The following RMDN2 variants were observed in gnomAD, a reference collection of about 807,000 sequenced individuals.
RMDN2 encodes the protein regulator of microtubule dynamics protein 2.
A neutral mutation model predicts 52.8 loss-of-function variants in RMDN2; 61 were observed. That is an observed-to-expected ratio of 1.16 (90% confidence interval 0.94 to 1.43). The LOEUF (loss-of-function observed/expected upper bound fraction) is 1.43. Among genes scored for constraint, RMDN2 ranks in the 40% most tolerant of loss-of-function variants. The pLI, the probability that RMDN2 is intolerant of heterozygous loss-of-function variation, is 0.00. For synonymous variants in RMDN2, 180 were observed against 153.1 expected, an observed-to-expected ratio of 1.18 and a Z score of -1.30; for missense variants, 592 against 475.3, an observed-to-expected ratio of 1.25 and a Z score of -2.28.
At position 37,997,399 on chromosome 2, in the gene RMDN2, T is replaced by C. The variant is rs758218222; in HGVS notation, c.946-17T>C. On this transcript the variant is annotated splice_polypyrimidine_tract_variant and intron_variant, in intron 7 of 10. Transcript: ENST00000354545. ...GGTGAACAACTTTCTAAGAGTGATG[T>C]TGTTGTGTATTTGCAGGTCTCAAAA... 1 of 1,532,454 alleles carries C rather than the reference T, an allele frequency of 6.5e-7. No homozygotes were observed. Among genetic ancestry groups the C allele is most frequent in the East Asian group, 2.3e-5 (1 of 44,434 alleles). The allele number at this position is 1,532,454 out of a possible 1,614,324, so 94.9% of individuals were successfully genotyped here.
intron 2 of RMDN2, among the ~76,000 whole-genome samples, chr2:37,944,285 G>T (rs1325954481): frequency 6.6e-6 from 1 of 150,812 alleles, no homozygotes; most frequent in African/African-American, 2.4e-5. Flanking sequence ...TTATAAACAG[G>T]TGATGTATTT....
intron 10 of RMDN2, chr2:38,030,673 AC>A (rs1680132822): frequency 6.6e-6 from 1 of 152,162 alleles, no homozygotes; most frequent in Non-Finnish European, 1.5e-5. Flanking sequence ...TTTCAGTGAA[AC>A]CTTTTTACTC....
chr2:37,945,779 A>G (rs1416843693), intron 2 of RMDN2, among the ~76,000 whole-genome samples: 1 of 152,152 alleles, frequency 6.6e-6, no homozygotes, highest in African/African-American at 2.4e-5. Context: ...GAGTCTGGGA[A>G]AGATTAGGCA....
chr2:37,951,615 AT>A, intron 2 of RMDN2: 1 of 1,613,386 alleles, frequency 6.2e-7, no homozygotes, highest in Non-Finnish European at 8.5e-7. Context: ...TAAACTAAGT[AT>A]AGTTTCCTAT....
intron 4 of RMDN2, among the ~76,000 whole-genome samples, chr2:37,979,900 C>A (rs1465394797): frequency 2.0e-5 from 3 of 152,060 alleles, no homozygotes; most frequent in African/African-American, 7.2e-5. Context: ...TTTAATCATT[C>A]ATTTAAAATT....
chr2:38,064,398 G>A (rs1682183845), intron 10 of RMDN2, among the ~76,000 whole-genome samples: 2 of 152,002 alleles, frequency 1.3e-5, no homozygotes, highest in East Asian at 1.9e-4. Flanking sequence ...GCTGAGACAG[G>A]AGAATCACTT....
intron 10 of RMDN2, among the ~76,000 whole-genome samples, chr2:38,044,888 C>A (rs1479632885): frequency 6.6e-6 from 1 of 152,046 alleles, no homozygotes; most frequent in African/African-American, 2.4e-5. Context: ...CCAAGTAAAA[C>A]CCTAATCCTA....
intron 8 of RMDN2, among the ~76,000 whole-genome samples, chr2:37,998,564 T>C (rs766064066): frequency 2.6e-5 from 4 of 152,124 alleles, no homozygotes; most frequent in Non-Finnish European, 4.4e-5. Context: ...ATGCTAATAT[T>C]TGTGCTGTAT....
chr2:37,922,902 A>T (rs1224549806), upstream of RMDN2, among the ~76,000 whole-genome samples: 1 of 152,238 alleles, frequency 6.6e-6, no homozygotes, highest in Non-Finnish European at 1.5e-5. Flanking sequence ...TAGCTTAGCT[A>T]GTGCTGAAGT....
At chr2:38,014,260 C>G (rs1285711474) in intron 10 of RMDN2, among the ~76,000 whole-genome samples, 5 of 152,158 alleles carry the variant, frequency 3.3e-5, no homozygotes, top group Non-Finnish European at 5.9e-5. Flanking sequence ...TATAGACAGA[C>G]TTTTCCCGCT....
chr2:38,038,872 C>G (rs1018125263), intron 10 of RMDN2, among the ~76,000 whole-genome samples: 1 of 152,058 alleles, frequency 6.6e-6, no homozygotes, highest in Non-Finnish European at 1.5e-5. Context: ...CATCCCTGCC[C>G]TGATAGGTTT....
At chr2:38,010,683 C>T (rs540905496) in intron 10 of RMDN2, among the ~76,000 whole-genome samples, 14 of 152,200 alleles carry the variant, frequency 9.2e-5, no homozygotes, top group Non-Finnish European at 7.3e-5. Context: ...TCTTGCCCAG[C>T]TTCGGCTCAT....
chr2:37,951,697 T>C, intron 2 of RMDN2: 1 of 1,612,672 alleles, frequency 6.2e-7, no homozygotes, highest in South Asian at 1.1e-5. Context: ...GAAATCGAAA[T>C]CTTTTCTAAA....
intron 10 of RMDN2, among the ~76,000 whole-genome samples, chr2:38,005,311 C>T (rs1676924796): frequency 6.6e-6 from 1 of 152,186 alleles, no homozygotes; most frequent in African/African-American, 2.4e-5. Flanking sequence ...AGTTTACAGT[C>T]CCACCAACAG....
Position 37,976,507 on chromosome 2 carries a change from T to C in RMDN2, c.730+1193T>C, listed in dbSNP as rs564663830. The C allele has an allele frequency of 3.3e-5, 5 of 152,342 alleles. 1 individual carries two copies. The South Asian group carries it at 1.0e-3, about 32-fold the overall frequency. The allele number at this position is 152,342 out of a possible 1,614,324, so 9.4% of individuals were successfully genotyped here. A position where few individuals can be genotyped will look rare whatever the true frequency, so the allele number is the denominator to read the frequency against. ...GTAATTTTTATTTCCAAGTAGAAAGTTTTACCAAACTCCTTGTAATTATAT... is the reference window on the plus strand; with the variant it reads ...GTAATTTTTATTTCCAAGTAGAAAGCTTTACCAAACTCCTTGTAATTATAT... On this transcript the variant is annotated intron_variant, in intron 4 of 10. Transcript: ENST00000354545.
Position 38,029,389 on chromosome 2 carries a change from A to T in RMDN2, c.1713+25173A>T, listed in dbSNP as rs1680014259. ...GTTTTGCCACAAAACCTTCTGATCC[A>T]CATAGCCAGTTGTGCTCTCACCCAC... is the stretch of plus-strand genomic sequence containing the variant. On this transcript the variant is annotated intron_variant, in intron 10 of 10. Coordinates refer to the RMDN2 transcript ENST00000234195. 2.6e-5 allele frequency: 4 copies of T among 152,138 alleles called. No homozygotes were observed. The South Asian group carries it at 8.3e-4, about 32-fold the overall frequency. The allele number at this position is 152,138 out of a possible 1,614,324, so 9.4% of individuals were successfully genotyped here.
At chr2:38,020,249 G>T (rs945868369), downstream of RMDN2, among the ~76,000 whole-genome samples, 1 of 152,202 alleles carries the variant, frequency 6.6e-6, no homozygotes, top group Non-Finnish European at 1.5e-5. Context: ...TGTAGAACCA[G>T]TGGGAGCCCT....
intron 10 of RMDN2, among the ~76,000 whole-genome samples, chr2:38,054,491 G>A (rs1250846197): frequency 6.6e-6 from 1 of 152,158 alleles, no homozygotes; most frequent in African/African-American, 2.4e-5. Context: ...GATGCATTAT[G>A]GATATAGTTC....
intron 2 of RMDN2, among the ~76,000 whole-genome samples, chr2:37,966,467 T>TA (rs1671067521): frequency 5.1e-3 from 1 of 196 alleles, no homozygotes; most frequent in East Asian, 0.083. Context: ...TTTCCTAGAT[T>TA]TGGCTTTGGC....
Sources: gnomAD v4.1 joint callset for allele counts (sites outside exome capture counted in the v4.1 genomes callset) on GRCh38, gnomAD v4.1.1 for gene constraint, MANE v1.5 for transcripts, NCBI Gene and HGNC (gene_info 2026-07-23, HGNC 2026-07-21) for gene names.